KNL1: variants seen among roughly 807,000 people sequenced by gnomAD.
KNL1 encodes outer kinetochore KNL1 complex subunit KNL1.
Under a neutral mutation model 201.3 loss-of-function variants are expected in KNL1, and 66 were observed. The observed-to-expected ratio is 0.33, with a 90% CI of 0.27 to 0.40. The LOEUF is 0.40. Ranked by LOEUF, KNL1 falls within the 10% of genes least tolerant of loss-of-function variation. The pLI, the probability that KNL1 is intolerant of heterozygous loss-of-function variation, is 1.00. For missense variants in KNL1, 2,815 were observed against 2,690.5 expected (o/e 1.05, Z -1.02); for synonymous variants, 895 against 899.2 (o/e 1.00, Z 0.08).
At chr15:40,609,962 C>A (rs1387683601) in intron 5 of KNL1, among the ~76,000 whole-genome samples, 1 of 152,120 alleles carries the variant, frequency 6.6e-6, no homozygotes, top group Admixed American at 6.6e-5. Flanking sequence ...TCACTTTAAC[C>A]TGGGAGATTG....
intron 19 of KNL1, 64 bp downstream of exon 19, chr15:40,650,647 T>A (rs1893528823): frequency 1.4e-6 from 2 of 1,409,474 alleles, no homozygotes; most frequent in Non-Finnish European, 1.9e-6. Context: ...GATGACTTCC[T>A]GCCTCCAGAG....
rs1430282855 is a variant in KNL1 at position 40,623,959 on chromosome 15, A to G, written c.3695A>G (p.Gln1232Arg). Residue 1232 changes from glutamine to arginine, a missense_variant, in exon 10 of 26, where the codon CAA becomes CGA. Coordinates refer to ENST00000399668, the MANE Select transcript of KNL1 (RefSeq NM_144508.5). ...GTTCTTCACACCGAGCAAAAGCAACAACTCTTTGCTGCTACTAATAGAACT... is the reference window on the plus strand; with the variant it reads ...GTTCTTCACACCGAGCAAAAGCAACGACTCTTTGCTGCTACTAATAGAACT... The part of the protein sequence containing the change: ...KIVLHTEQKQ[Q>R]LFAATNRTTN... 1 of 1,613,710 alleles carries G rather than the reference A, an allele frequency of 6.2e-7. No individual in the cohort carries two copies. Among genetic ancestry groups the G allele is most frequent in the African/African-American group, 1.3e-5 (1 of 75,058 alleles).
chr15:40,615,414 T>C (rs1440015266), intron 8 of KNL1, 36 bp downstream of exon 8: 1 of 596,622 alleles, frequency 1.7e-6, no homozygotes, highest in Non-Finnish European at 2.8e-6. Context: ...TATAGTAAGA[T>C]AGTCTATTCA....
chr15:40,620,944 G>A lies in KNL1; in HGVS notation c.680G>A (p.Cys227Tyr), dbSNP rs749867954. Residue 227 changes from cysteine (C) to tyrosine (Y), a missense_variant, in exon 10 of 26, where the codon TGT becomes TAT. Physicochemically the swap from Cys to Tyr is radical, Grantham distance 194. Coordinates refer to ENST00000399668, the MANE Select transcript of KNL1 (RefSeq NM_144508.5). ...ATAAAAAGATTGAAAACAGGAAAAT[G>A]TAGTGCTTTTCCTGATGTGCCTGAT... The part of the protein sequence containing the change: ...DFIKRLKTGK[C>Y]SAFPDVPDKE... 16 of 1,606,218 alleles carry A rather than the reference G, an allele frequency of 1.0e-5. No homozygotes were observed. Among genetic ancestry groups the A allele is most frequent in the Non-Finnish European group, 1.4e-5 (16 of 1,178,018 alleles).
At chr15:40,608,745 C>CAAAAA in intron 4 of KNL1, 102 bp from the exon 5 acceptor site, 1 of 534,650 alleles carries the variant, frequency 1.9e-6, no homozygotes. Context: ...AACTCCATCT[C>CAAAAA]AAAAAAAAAA....
chr15:40,655,904 A>G (rs1893716065), intron 22 of KNL1, among the ~76,000 whole-genome samples: 1 of 150,850 alleles, frequency 6.6e-6, no homozygotes, highest in Admixed American at 6.6e-5. Context: ...CGACAAAATG[A>G]GACTCCGTCT....
In KNL1 at chr15:40,631,266, G is replaced by T. The variant is rs117778990; in HGVS notation, c.5682+1895G>T. On this transcript the variant is annotated intron_variant, in intron 13 of 25. Coordinates refer to ENST00000399668, the MANE Select transcript of KNL1 (RefSeq NM_144508.5). Reference sequence around the variant, plus strand: ...CTGGTCCCTGGTGCCAAAAAGGTTGGGGACTGCTGTTGTAGACAACATAGT... The same window carrying T: ...CTGGTCCCTGGTGCCAAAAAGGTTGTGGACTGCTGTTGTAGACAACATAGT... Among the ~76,000 whole-genome samples the T allele has an allele frequency of 3.4e-3, 512 of 152,102 alleles. 2 individuals carry two copies. Among genetic ancestry groups the T allele is most frequent in the Non-Finnish European group, 6.0e-3 (411 of 67,958 alleles).
At chr15:40,606,040 T>G (rs75526787) in intron 3 of KNL1, among the ~76,000 whole-genome samples, 4 of 152,348 alleles carry the variant, frequency 2.6e-5, no homozygotes, top group Admixed American at 2.6e-4. Context: ...TCATGTTAGC[T>G]TGATTATCCT....
intron 1 of KNL1, 84 bp from the exon 2 acceptor site, chr15:40,602,831 A>T: frequency 1.3e-6 from 1 of 747,034 alleles, no homozygotes; most frequent in Non-Finnish European, 2.2e-6. Flanking sequence ...CCCTGAAGTC[A>T]CCATCTGTAC....
At chr15:40,645,370 TTTAA>T (rs1567019205) in intron 15 of KNL1, among the ~76,000 whole-genome samples, 1 of 152,214 alleles carries the variant, frequency 6.6e-6, no homozygotes, top group African/African-American at 2.4e-5. Flanking sequence ...AAAGATTTAC[TTTAA>T]TTGATTAAAT....
rs764282566 is a variant in KNL1, at chr15:40,621,028, A to T, written c.764A>T (p.His255Leu). The T allele has an allele frequency of 6.2e-7, 1 of 1,607,408 alleles. No individual in the cohort carries two copies. Among genetic ancestry groups the T allele is most frequent in the African/African-American group, 1.3e-5 (1 of 74,486 alleles). The change falls in exon 10 of 26, where the codon CAT becomes CTT. Residue 255 changes from histidine (H) to leucine (L), a missense_variant. Transcript: ENST00000399668. ...SKEPNSASSTHQMHVSLKEDE... is the reference protein window; with the variant it reads ...SKEPNSASSTLQMHVSLKEDE... ...GAACCGAACAGTGCCTCTTCTACAC[A>T]TCAAATGCATGTATCTCTTAAGGAA...
chr15:40,657,319 A>T, intron 23 of KNL1, 36 bp from the exon 24 acceptor site: 1 of 1,344,202 alleles, frequency 7.4e-7, no homozygotes, highest in Non-Finnish European at 1.1e-6. Context: ...AAATGTTTTC[A>T]TAATTTCACT....
chr15:40,657,610 A>G, intron 24 of KNL1, 137 bp downstream of exon 24: 1 of 584,458 alleles, frequency 1.7e-6, no homozygotes, highest in Non-Finnish European at 3.1e-6. Flanking sequence ...GAATCTGTCC[A>G]TGCCTTCTCC....
In KNL1 at chr15:40,613,224, A is replaced by T. The variant is rs117330915; in HGVS notation, c.284+1713A>T. Among the ~76,000 whole-genome samples the T allele has an allele frequency of 1.8e-4, 27 of 152,318 alleles. No individual in the cohort carries two copies. In the East Asian group the frequency reaches 5.0e-3, roughly 28 times the overall value. ...AAAACAAAGTATATCATGTATTACCACTTGGGTAAAACAGGGAAGAAGAAA... is the reference window on the plus strand; with the variant it reads ...AAAACAAAGTATATCATGTATTACCTCTTGGGTAAAACAGGGAAGAAGAAA... On this transcript the variant is annotated intron_variant, in intron 7 of 25. Coordinates refer to ENST00000399668, the MANE Select transcript of KNL1 (RefSeq NM_144508.5).
chr15:40,654,662 G>A (rs1309449039), intron 21 of KNL1, among the ~76,000 whole-genome samples: 1 of 151,912 alleles, frequency 6.6e-6, no homozygotes, highest in Non-Finnish European at 1.5e-5. Flanking sequence ...GAGGTCAGGA[G>A]ATCGAGACCA....
chr15:40,640,085 C>CTTTTTTTCTTTTCTTTTTTTTT (rs1341540326), intron 13 of KNL1, among the ~76,000 whole-genome samples: 48 of 143,702 alleles, frequency 3.3e-4, no homozygotes, highest in African/African-American at 1.2e-3. Context: ...TCTTTTTTTT[C>CTTTTTTTCTTTTCTTTTTTTTT]TTTTTTTCTT....
intron 13 of KNL1, among the ~76,000 whole-genome samples, chr15:40,636,723 C>T (rs1340593659): frequency 6.6e-6 from 1 of 152,056 alleles, no homozygotes; most frequent in Non-Finnish European, 1.5e-5. Flanking sequence ...CCCAGCTACT[C>T]GCGAGGCTGA....
chr15:40,631,796 C>G (rs1399304936), intron 13 of KNL1, among the ~76,000 whole-genome samples: 2 of 152,006 alleles, frequency 1.3e-5, no homozygotes, highest in Non-Finnish European at 2.9e-5. Context: ...AATGCTTGAG[C>G]TCAGGAGTTT....
chr15:40,632,219 C>A (rs915442815), intron 13 of KNL1, among the ~76,000 whole-genome samples: 1 of 143,888 alleles, frequency 6.9e-6, no homozygotes, highest in African/African-American at 2.6e-5. Flanking sequence ...GACCCCCCCC[C>A]ACCCACATCT....
Sources: allele counts gnomAD v4.1 joint callset (sites outside exome capture counted in the v4.1 genomes callset), GRCh38; gene constraint gnomAD v4.1.1; transcripts MANE v1.5; gene names NCBI Gene and HGNC (gene_info 2026-07-23, HGNC 2026-07-21).